The following SMOC2 variants were observed in gnomAD, a reference collection of about 807,000 sequenced individuals.
SMOC2 encodes the protein SPARC-related modular calcium-binding protein 2.
A neutral mutation model predicts 61.4 loss-of-function variants in SMOC2; 39 were observed. The ratio of observed to expected loss-of-function variants is 0.64; its 90% CI spans 0.49 to 0.83. The LOEUF is 0.83. Ranked by LOEUF, SMOC2 falls within the 40% of genes least tolerant of loss-of-function variation. The probability of loss-of-function intolerance (pLI) is 0.00; values close to 1 mark genes in which losing one functional copy is unlikely to be tolerated. For synonymous variants in SMOC2, 247 were observed against 239.9 expected, an observed-to-expected ratio of 1.03 and a Z score of -0.27; for missense variants, 556 against 592.9, an observed-to-expected ratio of 0.94 and a Z score of 0.65.
chr6:168,537,393 G>A (rs1306436949), intron 4 of SMOC2, among the ~76,000 whole-genome samples: 2 of 152,134 alleles, frequency 1.3e-5, no homozygotes, highest in African/African-American at 4.8e-5. Flanking sequence ...AGGGAGAGCA[G>A]CGTCTATCCT....
intron 1 of SMOC2, among the ~76,000 whole-genome samples, chr6:168,476,027 T>A (rs1312842046): frequency 3.3e-5 from 5 of 152,014 alleles, no homozygotes; most frequent in African/African-American, 9.7e-5. Flanking sequence ...GGTACAGAGA[T>A]GAGGTTGGAG....
intron 11 of SMOC2, among the ~76,000 whole-genome samples, chr6:168,660,467 T>C (rs1048739895): frequency 6.6e-6 from 1 of 152,216 alleles, no homozygotes; most frequent in African/African-American, 2.4e-5. Flanking sequence ...CATATATTGA[T>C]AGACTGAAAT....
At position 168,617,987 on chromosome 6, in the gene SMOC2, A is replaced by G. The variant is rs1282986801; in HGVS notation, c.907+9748A>G. On this transcript the variant is annotated intron_variant, in intron 9 of 12. Coordinates refer to ENST00000356284, the MANE Select transcript of SMOC2 (RefSeq NM_001166412.2). ...CATGCTGACATGGATTGCCAGGTTTATGGGGTCTGCCAGGGATAAAATAAT... is the reference window on the plus strand; with the variant it reads ...CATGCTGACATGGATTGCCAGGTTTGTGGGGTCTGCCAGGGATAAAATAAT... 2.0e-5 allele frequency among the ~76,000 whole-genome samples: 3 copies of G among 152,306 alleles called. No homozygotes were observed. The East Asian group carries it at 5.8e-4, about 30-fold the overall frequency.
intron 2 of SMOC2, among the ~76,000 whole-genome samples, chr6:168,518,488 TGA>T (rs1257553094): frequency 9.3e-5 from 7 of 75,532 alleles, no homozygotes; most frequent in Non-Finnish European, 1.6e-4. Context: ...TGTACATATG[TGA>T]GTGTGCATGT....
Position 168,546,978 on chromosome 6 carries a change from C to T in SMOC2, c.512-141C>T, listed in dbSNP as rs987646130. Reference sequence around the variant, plus strand: ...CCAGCCGCAGCTGCAGGCAGCATCGCGTTGGGTCTGTGTGGGGTTGCTGTT... The same window carrying T: ...CCAGCCGCAGCTGCAGGCAGCATCGTGTTGGGTCTGTGTGGGGTTGCTGTT... On this transcript the variant is annotated intron_variant, in intron 5 of 12. Coordinates refer to ENST00000356284, the MANE Select transcript of SMOC2 (RefSeq NM_001166412.2). 1.8e-5 allele frequency: 17 copies of T among 933,278 alleles called. No individual in the cohort carries two copies. In the African/African-American group the frequency reaches 1.9e-4, roughly 11 times the overall value. 57.8% of individuals were successfully genotyped at this position (933,278 alleles called of 1,614,324 possible). A position where few individuals can be genotyped will look rare whatever the true frequency, so the allele number is the denominator to read the frequency against.
chr6:168,458,340 G>A, intron 1 of SMOC2, among the ~76,000 whole-genome samples: 1 of 149,842 alleles, frequency 6.7e-6, no homozygotes, highest in East Asian at 2.0e-4. Flanking sequence ...CCTGCCCTGG[G>A]GGTCCTGGGA....
intron 2 of SMOC2, among the ~76,000 whole-genome samples, chr6:168,514,505 G>A (rs1033697919): frequency 1.3e-5 from 2 of 152,354 alleles, no homozygotes; most frequent in African/African-American, 2.4e-5. Flanking sequence ...GTGTCTGACC[G>A]ACGTGTGTGA....
At chr6:168,551,408 T>A (rs938999062) in intron 7 of SMOC2, among the ~76,000 whole-genome samples, 39 of 151,670 alleles carry the variant, frequency 2.6e-4, no homozygotes, top group African/African-American at 9.0e-4. Flanking sequence ...ATGATTTTAC[T>A]GGAAATATAC....
At chr6:168,652,928 C>G (rs775226229) in intron 10 of SMOC2, 26 bp from the exon 11 acceptor site, 1 of 1,606,966 alleles carries the variant, frequency 6.2e-7, no homozygotes. Context: ...GTTTAAGCAT[C>G]CTGACGGCAT....
intron 7 of SMOC2, among the ~76,000 whole-genome samples, chr6:168,557,579 C>T (rs987847549): frequency 1.3e-5 from 2 of 152,212 alleles, no homozygotes; most frequent in Admixed American, 6.5e-5. Context: ...GGGTATTTGC[C>T]TTACTTCGTT....
intron 7 of SMOC2, among the ~76,000 whole-genome samples, chr6:168,578,740 A>G (rs1444200042): frequency 6.6e-6 from 1 of 152,240 alleles, no homozygotes; most frequent in East Asian, 1.9e-4. Context: ...TCATGTCATG[A>G]ATTTGCTGAG....
At chr6:168,504,675 T>A (rs1416236493) in intron 1 of SMOC2, among the ~76,000 whole-genome samples, 1 of 152,126 alleles carries the variant, frequency 6.6e-6, no homozygotes, top group Admixed American at 6.5e-5. Context: ...ATCTTCCCTC[T>A]GAGCCACTCA....
At chr6:168,489,217 C>T (rs1273434055) in intron 1 of SMOC2, among the ~76,000 whole-genome samples, 6 of 145,586 alleles carry the variant, frequency 4.1e-5, no homozygotes, top group East Asian at 2.1e-4. Context: ...TATATCAAAT[C>T]GTCTGGGTCC....
rs1031061367 is a variant in SMOC2 at position 168,453,182 on chromosome 6, G to C, written c.84+11728G>C. ...AGGCAGGTGCAGGCTGTTCTAGAGT[G>C]TGCTCAGGGTGGCCTGACAAATGCG... is the stretch of plus-strand genomic sequence containing the variant. On this transcript the variant is annotated intron_variant, in intron 1 of 12. Coordinates refer to ENST00000356284, the MANE Select transcript of SMOC2 (RefSeq NM_001166412.2). This position sits in a 1 kb window ranked among gnomAD's most constrained non-coding sequence, Gnocchi z 4.4. Among the ~76,000 whole-genome samples the C allele has an allele frequency of 1.3e-5, 2 of 151,446 alleles. No individual in the cohort carries two copies. The highest frequency in any genetic ancestry group is 6.6e-5 in the Admixed American group (1 of 15,218).
At chr6:168,515,567 C>A (rs1783110499) in intron 2 of SMOC2, among the ~76,000 whole-genome samples, 1 of 22,494 alleles carries the variant, frequency 4.4e-5, no homozygotes, top group Non-Finnish European at 1.3e-4. Flanking sequence ...AGCAGCCTCG[C>A]ACCTGCATCC....
chr6:168,584,677 C>A (rs986008431), intron 7 of SMOC2, among the ~76,000 whole-genome samples: 1 of 152,044 alleles, frequency 6.6e-6, no homozygotes, highest in Non-Finnish European at 1.5e-5. Flanking sequence ...AAAATGTGAG[C>A]AATATTTTCT....
chr6:168,530,454 CAA>C (rs1268929176), intron 4 of SMOC2, among the ~76,000 whole-genome samples: 1 of 151,916 alleles, frequency 6.6e-6, no homozygotes, highest in Non-Finnish European at 1.5e-5. Flanking sequence ...GAAAAACGGC[CAA>C]AAGTCTCGAG....
At chr6:168,555,201 A>T (rs1047674506) in intron 7 of SMOC2, among the ~76,000 whole-genome samples, 10 of 152,220 alleles carry the variant, frequency 6.6e-5, no homozygotes, top group African/African-American at 2.4e-4. Context: ...TGCAATCATT[A>T]GCCAGCCGGG....
At chr6:168,662,632 A>G (rs1197186002) in intron 11 of SMOC2, among the ~76,000 whole-genome samples, 1 of 152,230 alleles carries the variant, frequency 6.6e-6, no homozygotes, top group Admixed American at 6.5e-5. Context: ...GGAATGTTTT[A>G]GAGGACTGCT....
Sources: allele counts gnomAD v4.1 joint callset (sites outside exome capture counted in the v4.1 genomes callset), GRCh38; gene constraint gnomAD v4.1.1; non-coding constraint Gnocchi (gnomAD v3.1); transcripts MANE v1.5; gene names NCBI Gene and HGNC (gene_info 2026-07-23, HGNC 2026-07-21).